Variants in DAB1 observed in about 807,000 individuals in gnomAD.
The protein encoded by DAB1 is DAB adaptor protein 1, also known as disabled homolog 1.
In DAB1, 15 loss-of-function variants were observed where a neutral mutation model predicts 64.6. That is an observed-to-expected ratio of 0.23 (90% confidence interval 0.16 to 0.36). The LOEUF (loss-of-function observed/expected upper bound fraction) is 0.36, where lower values mean the gene tolerates loss of function less well. Ranked by LOEUF, DAB1 falls within the 10% of genes least tolerant of loss-of-function variation. The probability of loss-of-function intolerance (pLI) is 1.00; values close to 1 mark genes in which losing one functional copy is unlikely to be tolerated. For synonymous variants in DAB1, 235 were observed against 251.9 expected (o/e 0.93, Z 0.64); for missense variants, 596 against 706.7 (o/e 0.84, Z 1.78).
At chr1:57,907,246 G>A (rs929353863) in intron 5 of DAB1, among the ~76,000 whole-genome samples, 4 of 152,236 alleles carry the variant, frequency 2.6e-5, no homozygotes, top group Middle Eastern at 3.4e-3. Flanking sequence ...ACTCAGGCAC[G>A]GTGCACCTAC....
At chr1:57,056,504 CAAAAAAAAAAA>C (rs71051216) in intron 9 of DAB1, among the ~76,000 whole-genome samples, 1 of 87,030 alleles carries the variant, frequency 1.1e-5, no homozygotes, top group African/African-American at 4.5e-5. Context: ...GAGCCTGTCT[CAAAAAAAAAAA>C]AAAAAGAAAA....
intron 3 of DAB1, among the ~76,000 whole-genome samples, chr1:58,364,171 T>A (rs1206386161): frequency 6.6e-6 from 1 of 152,182 alleles, no homozygotes; most frequent in East Asian, 1.9e-4. Context: ...ATGCTGGAAC[T>A]GGGATGTGAA....
rs561438194 is a variant in DAB1, at chr1:57,665,827, TC to T, written n.552-16163del. Among the ~76,000 whole-genome samples the T allele has an allele frequency of 4.9e-3, 740 of 150,612 alleles. 5 individuals carry two copies. The highest frequency in any genetic ancestry group is 8.5e-3 in the Admixed American group (128 of 15,024). Reference sequence around the variant, plus strand: ...TGGGTTACAGGATTGGTTTTTTTTTTCTTCCCTTTTTTTTTAATTATCTGTG... The same window carrying T: ...TGGGTTACAGGATTGGTTTTTTTTTTTTCCCTTTTTTTTTAATTATCTGTG... On this transcript the variant is annotated intron_variant and non_coding_transcript_variant, in intron 6 of 20. Transcript: ENST00000485760.
At chr1:57,672,281 G>A (rs1248626376) in intron 6 of DAB1, among the ~76,000 whole-genome samples, 1 of 152,124 alleles carries the variant, frequency 6.6e-6, no homozygotes, top group Non-Finnish European at 1.5e-5. Flanking sequence ...ATCCCCTGCT[G>A]AAGCGTTTGT....
intron 4 of DAB1, among the ~76,000 whole-genome samples, chr1:57,093,485 T>C (rs1314405892): frequency 1.3e-5 from 2 of 152,080 alleles, no homozygotes; most frequent in East Asian, 3.9e-4. Context: ...AAAGCCTTAG[T>C]TTCTTCATCT....
intron 7 of DAB1, among the ~76,000 whole-genome samples, chr1:57,511,776 C>A (rs917551626): frequency 1.3e-5 from 2 of 152,100 alleles, no homozygotes; most frequent in Non-Finnish European, 2.9e-5. Context: ...CCTCTACTTT[C>A]TTTTCCATAT....
At chr1:57,215,546 C>A (rs78765161) in intron 2 of DAB1, among the ~76,000 whole-genome samples, 1 of 152,264 alleles carries the variant, frequency 6.6e-6, no homozygotes, top group Admixed American at 6.5e-5. Flanking sequence ...TGTGTTGGAC[C>A]GTGAATTTTG....
chr1:58,108,490 T>C (rs1651795376), intron 5 of DAB1, among the ~76,000 whole-genome samples: 1 of 152,214 alleles, frequency 6.6e-6, no homozygotes. Context: ...TACTACCATA[T>C]TTAGAAATGA....
chr1:57,538,161 G>A (rs1334893601), intron 7 of DAB1, among the ~76,000 whole-genome samples: 1 of 152,150 alleles, frequency 6.6e-6, no homozygotes, highest in African/African-American at 2.4e-5. Context: ...AAGGCTTATG[G>A]CTGAAAGAAG....
chr1:57,182,829 A>C (rs1428385574), intron 2 of DAB1, among the ~76,000 whole-genome samples: 1 of 152,158 alleles, frequency 6.6e-6, no homozygotes, highest in Non-Finnish European at 1.5e-5. Flanking sequence ...AGAGGATAGA[A>C]TAGTATATCC....
At chr1:57,554,390 G>T (rs971483099) in intron 7 of DAB1, among the ~76,000 whole-genome samples, 1 of 152,234 alleles carries the variant, frequency 6.6e-6, no homozygotes, top group Non-Finnish European at 1.5e-5. Context: ...TCTTTTGCAG[G>T]TGATCATGAA....
chr1:57,119,435 G>C (rs1454139741), intron 4 of DAB1, among the ~76,000 whole-genome samples: 1 of 152,050 alleles, frequency 6.6e-6, no homozygotes, highest in African/African-American at 2.4e-5. Flanking sequence ...TGCCATTCCA[G>C]CTACCTTTAT....
At chr1:57,626,183 G>C (rs1645920812) in intron 7 of DAB1, among the ~76,000 whole-genome samples, 1 of 151,906 alleles carries the variant, frequency 6.6e-6, no homozygotes, top group African/African-American at 2.4e-5. Flanking sequence ...AAGCACTTCT[G>C]TATGCAGTGT....
intron 1 of DAB1, among the ~76,000 whole-genome samples, chr1:57,877,739 T>C (rs1397517390): frequency 1.2e-5 from 1 of 80,972 alleles, no homozygotes; most frequent in African/African-American, 5.4e-5. Context: ...TTTTTTTTTG[T>C]ATTTTTAGTA....
At chr1:57,735,417 A>T (rs1012550632) in intron 6 of DAB1, among the ~76,000 whole-genome samples, 2 of 152,168 alleles carry the variant, frequency 1.3e-5, no homozygotes, top group Admixed American at 1.3e-4. Flanking sequence ...CCATTCATTC[A>T]TTTAAGCAGT....
intron 5 of DAB1, among the ~76,000 whole-genome samples, chr1:57,979,080 T>C (rs1645996344): frequency 6.6e-6 from 1 of 152,178 alleles, no homozygotes. Flanking sequence ...CTCAAAGAAT[T>C]ACAAATCATT....
chr1:57,166,180 T>C (rs1661195047), intron 2 of DAB1, among the ~76,000 whole-genome samples: 1 of 152,196 alleles, frequency 6.6e-6, no homozygotes, highest in African/African-American at 2.4e-5. Context: ...GTTATTTTTT[T>C]AATTTGGTGG....
At chr1:57,693,623 G>C (rs1344119959) in intron 6 of DAB1, among the ~76,000 whole-genome samples, 3 of 152,152 alleles carry the variant, frequency 2.0e-5, no homozygotes, top group Non-Finnish European at 2.9e-5. Context: ...TGAAAGCTTT[G>C]CTCTTTCACT....
chr1:57,321,948 C>G (rs1675757759), intron 1 of DAB1, among the ~76,000 whole-genome samples: 1 of 152,184 alleles, frequency 6.6e-6, no homozygotes. Flanking sequence ...CTCGCTCGCT[C>G]TCACCATCTC....
Sources: gnomAD v4.1 joint callset for allele counts (sites outside exome capture counted in the v4.1 genomes callset) on GRCh38, gnomAD v4.1.1 for gene constraint, MANE v1.5 for transcripts, NCBI Gene and HGNC (gene_info 2026-07-23, HGNC 2026-07-21) for gene names.